The following FRYL variants were observed in gnomAD, a reference collection of about 807,000 sequenced individuals.
FRYL encodes the protein FRY like transcription coactivator.
In FRYL, 150 loss-of-function variants were observed where a neutral mutation model predicts 351.2. The observed-to-expected ratio is 0.43, with a 90% confidence interval of 0.37 to 0.49. The LOEUF (loss-of-function observed/expected upper bound fraction) is 0.49, where lower values mean the gene tolerates loss of function less well. FRYL is among the 20% of genes least tolerant of loss of function. The probability of loss-of-function intolerance (pLI) is 0.00; values close to 1 mark genes in which losing one functional copy is unlikely to be tolerated. For synonymous variants in FRYL, 1,153 were observed against 1,257.1 expected (o/e 0.92, Z 1.75); for missense variants, 3,036 against 3,619.3 (o/e 0.84, Z 4.13).
rs773261029 is a variant in FRYL at position 48,576,249 on chromosome 4, A to ATTTTTTC, written c.2529-28_2529-27insGAAAAAA. The ATTTTTTC allele has an allele frequency of 1.8e-5, 27 of 1,510,342 alleles. 1 individual carries two copies. The South Asian group carries it at 2.9e-4, about 17-fold the overall frequency. 93.6% of individuals were successfully genotyped at this position (1,510,342 alleles called of 1,614,324 possible). ...TAAGGAAAAAAAAAGAAAAATAGGC[A>ATTTTTTC]GATATGAATAACACAACACGTTTTT... On this transcript the variant is annotated intron_variant, in intron 23 of 63. Coordinates refer to ENST00000358350, the MANE Select transcript of FRYL (RefSeq NM_015030.2).
At chr4:48,535,366 G>T (rs1351712711) in intron 48 of FRYL, among the ~76,000 whole-genome samples, 2 of 151,650 alleles carry the variant, frequency 1.3e-5, no homozygotes, top group African/African-American at 4.8e-5. Context: ...CAGTAAATAA[G>T]GATATAAACA....
intron 3 of FRYL, among the ~76,000 whole-genome samples, chr4:48,660,923 T>C: frequency 6.6e-6 from 1 of 152,138 alleles, no homozygotes. Flanking sequence ...ATCTGAGAAA[T>C]TGTCACAGTC....
chr4:48,720,674 C>T (rs1369251636), intron 1 of FRYL, among the ~76,000 whole-genome samples: 1 of 152,200 alleles, frequency 6.6e-6, no homozygotes, highest in Non-Finnish European at 1.5e-5. Context: ...ACCTGACAGT[C>T]ACCATTCTAT....
At chr4:48,513,794 A>G (rs1238073565) in intron 56 of FRYL, among the ~76,000 whole-genome samples, 1 of 152,236 alleles carries the variant, frequency 6.6e-6, no homozygotes, top group East Asian at 1.9e-4. Flanking sequence ...CACATATACT[A>G]TAAGCTAGGG....
rs575420033 is a variant in FRYL, at chr4:48,581,599, C to T, written c.1993G>A (p.Val665Ile). The change falls in exon 21 of 64, where the codon GTA becomes ATA. Residue 665 changes from valine (V) to isoleucine (I), a missense_variant. Val to Ile is a conservative substitution (Grantham distance 29, BLOSUM62 3). Transcript: ENST00000358350. ...HNKNQDTQHGVANGASHPPPL... is the reference protein window; with the variant it reads ...HNKNQDTQHGIANGASHPPPL... Reference sequence around the variant, plus strand: ...GGGGGATGAGAAGCTCCATTAGCTACACCATGCTTGAAAAACAGAAGTTAA... The same window carrying T: ...GGGGGATGAGAAGCTCCATTAGCTATACCATGCTTGAAAAACAGAAGTTAA... 22 of 1,585,494 alleles carry T rather than the reference C, an allele frequency of 1.4e-5. No individual in the cohort carries two copies. The highest frequency in any genetic ancestry group is 1.9e-5 in the Non-Finnish European group (22 of 1,170,470).
Position 48,548,778 on chromosome 4 carries a change from C to T in FRYL, c.4800G>A (p.Val1600=). ...CAATGATGAGATCAGTCAAAAGGATCACTGCTATGTTACACCTATGACAAA... is the reference window on the plus strand; with the variant it reads ...CAATGATGAGATCAGTCAAAAGGATTACTGCTATGTTACACCTATGACAAA... The part of the protein sequence containing the change: ...GLPLHRCNIA[V]ILLTDLIIDH... Residue 1600 remains valine, a synonymous_variant, in exon 40 of 64, where the codon GTG becomes GTA. Coordinates refer to ENST00000358350, the MANE Select transcript of FRYL (RefSeq NM_015030.2). 3 of 1,604,790 alleles carry T rather than the reference C, an allele frequency of 1.9e-6. No individual in the cohort carries two copies. The highest frequency in any genetic ancestry group is 2.6e-6 in the Non-Finnish European group (3 of 1,172,284).
chr4:48,684,210 C>T (rs1764939312), intron 3 of FRYL, among the ~76,000 whole-genome samples: 1 of 152,156 alleles, frequency 6.6e-6, no homozygotes, highest in South Asian at 2.1e-4. Context: ...GATATGAAGG[C>T]ATTGAAGATA....
chr4:48,531,768 T>A (rs1187161823), intron 49 of FRYL, among the ~76,000 whole-genome samples: 1 of 152,240 alleles, frequency 6.6e-6, no homozygotes, highest in Non-Finnish European at 1.5e-5. Flanking sequence ...AAAAATTTTT[T>A]AACGAATACC....
intron 1 of FRYL, among the ~76,000 whole-genome samples, chr4:48,752,425 C>T (rs1343008215): frequency 3.3e-5 from 5 of 152,112 alleles, no homozygotes; most frequent in Non-Finnish European, 5.9e-5. Flanking sequence ...TCTCATCTGT[C>T]CAACCCTGCT....
chr4:48,624,696 A>G (rs1312798617), intron 4 of FRYL, among the ~76,000 whole-genome samples: 2 of 152,224 alleles, frequency 1.3e-5, no homozygotes, highest in Non-Finnish European at 2.9e-5. Context: ...GGACTGGGCC[A>G]TGGGGTTCCC....
intron 1 of FRYL, among the ~76,000 whole-genome samples, chr4:48,774,817 T>G (rs1030288576): frequency 3.9e-5 from 6 of 152,170 alleles, no homozygotes; most frequent in Admixed American, 3.9e-4. Context: ...AGTGCCGGGA[T>G]TACAGGCGTG....
intron 3 of FRYL, among the ~76,000 whole-genome samples, chr4:48,662,879 T>C (rs896168319): frequency 6.6e-6 from 1 of 151,438 alleles, no homozygotes; most frequent in African/African-American, 2.4e-5. Flanking sequence ...AGTAAAAATA[T>C]CTTTCAAATA....
chr4:48,761,206 T>G (rs183757585), intron 1 of FRYL, among the ~76,000 whole-genome samples: 82 of 152,292 alleles, frequency 5.4e-4, no homozygotes, highest in African/African-American at 1.8e-3. Context: ...CTATATTCCA[T>G]GTAGGCTTTG....
At chr4:48,513,213 T>C (rs1160043846) in intron 56 of FRYL, among the ~76,000 whole-genome samples, 8 of 152,178 alleles carry the variant, frequency 5.3e-5, no homozygotes, top group Admixed American at 2.6e-4. Context: ...TAAGGTTAAA[T>C]AATATGTCTA....
At chr4:48,658,682 A>T (rs1376380527) in intron 3 of FRYL, among the ~76,000 whole-genome samples, 1 of 151,680 alleles carries the variant, frequency 6.6e-6, no homozygotes, top group East Asian at 1.9e-4. Flanking sequence ...GGGGCCCAGG[A>T]AGTCGAGGCC....
chr4:48,599,468 T>A (rs75113415), intron 13 of FRYL, among the ~76,000 whole-genome samples: 1 of 142,882 alleles, frequency 7.0e-6, no homozygotes, highest in Non-Finnish European at 1.6e-5. Flanking sequence ...GGTAATTTTT[T>A]AAAACTGTGC....
intron 1 of FRYL, among the ~76,000 whole-genome samples, chr4:48,748,683 C>T (rs1772933967): frequency 6.6e-6 from 1 of 152,184 alleles, no homozygotes; most frequent in Non-Finnish European, 1.5e-5. Flanking sequence ...CAGGCACTGT[C>T]CTGGGCAGTT....
intron 2 of FRYL, among the ~76,000 whole-genome samples, chr4:48,692,079 G>T (rs1447644298): frequency 2.0e-5 from 3 of 152,094 alleles, no homozygotes; most frequent in African/African-American, 7.2e-5. Flanking sequence ...TTGAATATAG[G>T]ATACTAAAGA....
chr4:48,603,242 C>T, intron 12 of FRYL, 48 bp downstream of exon 12: 1 of 1,212,092 alleles, frequency 8.3e-7, no homozygotes, highest in Non-Finnish European at 1.2e-6. Flanking sequence ...AAATCAATTA[C>T]TAAAAATCCC....
Sources: gnomAD v4.1 joint callset for allele counts (sites outside exome capture counted in the v4.1 genomes callset) on GRCh38, gnomAD v4.1.1 for gene constraint, MANE v1.5 for transcripts, NCBI Gene and HGNC (gene_info 2026-07-23, HGNC 2026-07-21) for gene names.